MAOA: variants seen among roughly 807,000 people sequenced by gnomAD.
The protein encoded by MAOA is amine oxidase [flavin-containing] A.
Under a neutral mutation model 42.0 loss-of-function variants are expected in MAOA, and 6 were observed. That is an observed-to-expected ratio of 0.14 (90% confidence interval 0.08 to 0.28). MAOA has a LOEUF of 0.28. MAOA is among the 10% of genes least tolerant of loss of function. The probability of loss-of-function intolerance (pLI) is 1.00; values close to 1 mark genes in which losing one functional copy is unlikely to be tolerated. For synonymous variants in MAOA, 140 were observed against 154.0 expected (o/e 0.91, Z 0.67); for missense variants, 262 against 422.3 (o/e 0.62, Z 3.33).
intron 2 of MAOA, among the ~76,000 whole-genome samples, chrX:43,691,558 G>A (rs1482285876): frequency 9.0e-6 from 1 of 111,483 alleles, no homozygotes; most frequent in African/African-American, 3.3e-5. Flanking sequence ...TCTGGAAATA[G>A]AAAAGATGGG....
chrX:43,732,519 G>A (rs1297335087), intron 8 of MAOA, among the ~76,000 whole-genome samples, 180 bp from the exon 9 acceptor site: 1 of 107,086 alleles, frequency 9.3e-6, no homozygotes, highest in Non-Finnish European at 1.9e-5. Flanking sequence ...CTGTCTGTGG[G>A]TGAATAGACA....
Position 43,740,668 on chromosome X carries a change from C to G in MAOA, c.1107-13C>G. Reference sequence around the variant, plus strand: ...TAACTTTATTTTTTTTTTTTTTTGGCTCTGTTTTATAGGAAGAAGAAAATC... The same window carrying G: ...TAACTTTATTTTTTTTTTTTTTTGGGTCTGTTTTATAGGAAGAAGAAAATC... On this transcript the variant is annotated splice_polypyrimidine_tract_variant and intron_variant, in intron 10 of 14. Coordinates refer to ENST00000338702, the MANE Select transcript of MAOA (RefSeq NM_000240.4). 9.1e-7 allele frequency: 1 copy of G among 1,100,348 alleles called. No homozygotes were observed. 90.7% of individuals were successfully genotyped at this position (1,100,348 alleles called of 1,213,427 possible).
chrX:43,681,242 A>AT (rs1328904457), intron 1 of MAOA, among the ~76,000 whole-genome samples: 3 of 111,349 alleles, frequency 2.7e-5, no homozygotes, highest in Admixed American at 1.9e-4. Context: ...TGGGTAGGTT[A>AT]TTTTTTCTAG....
At chrX:43,704,752 G>T (rs927862099) in intron 3 of MAOA, among the ~76,000 whole-genome samples, 2 of 111,048 alleles carry the variant, frequency 1.8e-5, no homozygotes, top group Non-Finnish European at 3.8e-5. Flanking sequence ...TGTTAAACAA[G>T]TTCATCGAGG....
At chrX:43,720,617 T>C (rs2033781421) in intron 5 of MAOA, among the ~76,000 whole-genome samples, 1 of 110,058 alleles carries the variant, frequency 9.1e-6, no homozygotes, top group Admixed American at 9.7e-5. Flanking sequence ...TAGCCATAGG[T>C]TTAGAGGGGA....
intron 8 of MAOA, 127 bp downstream of exon 8, chrX:43,731,980 C>T: frequency 8.7e-6 from 6 of 690,181 alleles, no homozygotes; most frequent in Non-Finnish European, 1.3e-5. Flanking sequence ...GATTAGAAAT[C>T]TTGGTCTGTC....
intron 1 of MAOA, chrX:43,657,922 A>G (rs1209059111): frequency 4.0e-6 from 3 of 752,161 alleles, no homozygotes; most frequent in Non-Finnish European, 4.7e-6. Flanking sequence ...ACCAGCAAAA[A>G]CATACATGTA....
At chrX:43,721,717 G>A (rs1401858842) in intron 5 of MAOA, among the ~76,000 whole-genome samples, 3 of 108,407 alleles carry the variant, frequency 2.8e-5, no homozygotes, top group African/African-American at 1.0e-4. Flanking sequence ...TACTTTAAGT[G>A]CTGGGGTACA....
At chrX:43,693,048 G>T (rs2033549068) in intron 2 of MAOA, among the ~76,000 whole-genome samples, 1 of 111,924 alleles carries the variant, frequency 8.9e-6, no homozygotes, top group Admixed American at 9.5e-5. Flanking sequence ...TTTATGCATT[G>T]TATTGCTGAA....
At chrX:43,667,153 C>T (rs1053644903) in intron 1 of MAOA, among the ~76,000 whole-genome samples, 1 of 111,078 alleles carries the variant, frequency 9.0e-6, no homozygotes, top group African/African-American at 3.3e-5. Flanking sequence ...AAAAAAAGAT[C>T]TCTGCTTTAA....
intron 5 of MAOA, among the ~76,000 whole-genome samples, chrX:43,718,230 G>T (rs2033759940): frequency 9.3e-6 from 1 of 107,640 alleles, no homozygotes. Context: ...CAGAGGCAGG[G>T]GGAGACAGGG....
At chrX:43,733,774 C>T (rs2033900071) in intron 9 of MAOA, among the ~76,000 whole-genome samples, 1 of 111,733 alleles carries the variant, frequency 8.9e-6, no homozygotes, top group Non-Finnish European at 1.9e-5. Context: ...AGACCCACAT[C>T]CCAGGGAAGT....
intron 4 of MAOA, 75 bp downstream of exon 4, chrX:43,712,051 T>C (rs1197473818): frequency 5.2e-6 from 4 of 762,121 alleles, no homozygotes; most frequent in Non-Finnish European, 8.1e-6. Context: ...CCTTCCATAG[T>C]GCAGGGAACA....
chrX:43,691,381 A>C (rs1380947631), intron 2 of MAOA, among the ~76,000 whole-genome samples: 1 of 111,056 alleles, frequency 9.0e-6, no homozygotes, highest in Non-Finnish European at 1.9e-5. Context: ...CTCAAAAAAA[A>C]AAAATAAAAA....
chrX:43,686,402 AC>A (rs1262702681), intron 2 of MAOA, among the ~76,000 whole-genome samples: 1 of 112,324 alleles, frequency 8.9e-6, no homozygotes, highest in Admixed American at 9.4e-5. Context: ...ATGACATTAC[AC>A]CCCCCTTAGG....
At chrX:43,676,460 G>A (rs991104809) in intron 1 of MAOA, among the ~76,000 whole-genome samples, 19 of 110,982 alleles carry the variant, frequency 1.7e-4, no homozygotes, top group East Asian at 5.7e-4. Flanking sequence ...ACTGTCCTGC[G>A]CCCACTGTCT....
intron 5 of MAOA, among the ~76,000 whole-genome samples, chrX:43,719,459 G>A (rs1447937958): frequency 9.0e-6 from 1 of 111,300 alleles, no homozygotes; most frequent in Non-Finnish European, 1.9e-5. Flanking sequence ...CCGGAAGGGT[G>A]GATGGTGTAG....
chrX:43,722,315 A>G (rs996952056), intron 5 of MAOA, among the ~76,000 whole-genome samples: 6 of 112,244 alleles, frequency 5.3e-5, no homozygotes, highest in Non-Finnish European at 1.1e-4. Flanking sequence ...CAACATTGTA[A>G]AAGCGTTCCT....
intron 1 of MAOA, among the ~76,000 whole-genome samples, chrX:43,682,725 A>T (rs557054877): frequency 1.8e-5 from 2 of 111,741 alleles, no homozygotes; most frequent in Admixed American, 9.5e-5. Context: ...GATGGGAAAA[A>T]GAATAACTAT....
Sources: allele counts gnomAD v4.1 joint callset (sites outside exome capture counted in the v4.1 genomes callset), GRCh38; gene constraint gnomAD v4.1.1; transcripts MANE v1.5; gene names NCBI Gene and HGNC (gene_info 2026-07-23, HGNC 2026-07-21).